The following ANKS1B variants were observed in gnomAD, a reference collection of about 807,000 sequenced individuals.
The protein encoded by ANKS1B is ankyrin repeat and sterile alpha motif domain-containing protein 1B.
A neutral mutation model predicts 148.3 loss-of-function variants in ANKS1B; 36 were observed. The observed-to-expected ratio is 0.24, with a 90% CI of 0.19 to 0.32. The LOEUF is 0.32. ANKS1B is among the 10% of genes least tolerant of loss of function. ANKS1B has a pLI of 1.00. For synonymous variants in ANKS1B, 542 were observed against 560.8 expected (o/e 0.97, Z 0.47); for missense variants, 1,157 against 1,542.6 (o/e 0.75, Z 4.19).
chr12:99,568,555 G>C (rs1453358652), intron 9 of ANKS1B, among the ~76,000 whole-genome samples: 3 of 151,952 alleles, frequency 2.0e-5, no homozygotes, highest in South Asian at 4.2e-4. Flanking sequence ...ATTTCATTTG[G>C]GCTGATGATA....
intron 8 of ANKS1B, among the ~76,000 whole-genome samples, chr12:99,712,785 C>T (rs1217618227): frequency 6.6e-6 from 1 of 152,194 alleles, no homozygotes; most frequent in Non-Finnish European, 1.5e-5. Context: ...TCACTATTCC[C>T]ATGACATTTT....
chr12:99,211,984 C>A (rs536770715), intron 14 of ANKS1B, among the ~76,000 whole-genome samples: 2 of 152,278 alleles, frequency 1.3e-5, no homozygotes, highest in East Asian at 3.9e-4. Context: ...CTCAGTAGTT[C>A]CCAGGCAATT....
chr12:99,743,869 A>G (rs1238049917), intron 8 of ANKS1B, among the ~76,000 whole-genome samples: 1 of 152,212 alleles, frequency 6.6e-6, no homozygotes, highest in African/African-American at 2.4e-5. Flanking sequence ...TGCATCTTTA[A>G]ATAATGGGTT....
At chr12:98,947,355 G>C (rs184891528) in intron 17 of ANKS1B, among the ~76,000 whole-genome samples, 28 of 152,310 alleles carry the variant, frequency 1.8e-4, no homozygotes, top group Non-Finnish European at 2.4e-4. Context: ...CAGTGGTCCA[G>C]GGTTGTAGTG....
intron 9 of ANKS1B, among the ~76,000 whole-genome samples, chr12:99,618,723 G>T (rs779589504): frequency 1.3e-5 from 2 of 151,978 alleles, no homozygotes; most frequent in Admixed American, 1.3e-4. Context: ...CATTGTGAGC[G>T]CAAGACACCA....
intron 8 of ANKS1B, among the ~76,000 whole-genome samples, chr12:99,722,252 T>C (rs946843057): frequency 4.6e-5 from 7 of 152,234 alleles, no homozygotes; most frequent in Admixed American, 2.0e-4. Flanking sequence ...CAGCCTTCTA[T>C]TGGAAGAAGA....
chr12:99,003,914 A>C (rs993039217), intron 17 of ANKS1B, among the ~76,000 whole-genome samples: 2 of 152,030 alleles, frequency 1.3e-5, no homozygotes, highest in African/African-American at 4.8e-5. Context: ...TCCCACTCTC[A>C]TGCTGCTGGG....
intron 14 of ANKS1B, among the ~76,000 whole-genome samples, chr12:99,218,559 G>A (rs185087867): frequency 7.0e-4 from 107 of 152,144 alleles, no homozygotes; most frequent in African/African-American, 2.1e-3. Context: ...AGAAAATACT[G>A]TCCCCAACCC....
chr12:99,533,074 G>A (rs1313681503), intron 9 of ANKS1B, among the ~76,000 whole-genome samples: 3 of 152,114 alleles, frequency 2.0e-5, no homozygotes, highest in Non-Finnish European at 4.4e-5. Flanking sequence ...AATGACATTG[G>A]TATTTTGATA....
rs895662007 is a variant in ANKS1B at position 99,201,286 on chromosome 12, T to C, written c.2419+43056A>G. Among the ~76,000 whole-genome samples the C allele has an allele frequency of 2.0e-5, 3 of 151,890 alleles. No homozygotes were observed. The East Asian group carries it at 5.8e-4, about 29-fold the overall frequency. ...AATAAGTATTAATAGTCCATGACAG[T>C]GACAGACTGTCTTTGAAAAACATTA... is the stretch of plus-strand genomic sequence containing the variant. On this transcript the variant is annotated intron_variant, in intron 14 of 26. Transcript: ENST00000683438.
chr12:99,620,345 A>G (rs554555459), intron 9 of ANKS1B, among the ~76,000 whole-genome samples: 2 of 152,340 alleles, frequency 1.3e-5, no homozygotes, highest in Admixed American at 6.5e-5. Context: ...TGACACCACC[A>G]AAGGATCACA....
At chr12:99,540,858 G>A (rs1016279948) in intron 9 of ANKS1B, among the ~76,000 whole-genome samples, 1 of 149,860 alleles carries the variant, frequency 6.7e-6, no homozygotes, top group Non-Finnish European at 1.5e-5. Flanking sequence ...TTGGTTCTTT[G>A]AAAAAAAATA....
chr12:99,794,011 C>T (rs949156526), intron 4 of ANKS1B, among the ~76,000 whole-genome samples: 1 of 151,944 alleles, frequency 6.6e-6, no homozygotes, highest in South Asian at 2.1e-4. Context: ...ATTGGCAAAA[C>T]ATTTGAATAG....
intron 10 of ANKS1B, among the ~76,000 whole-genome samples, chr12:99,467,713 C>T (rs1298792580): frequency 6.6e-6 from 1 of 152,090 alleles, no homozygotes; most frequent in Non-Finnish European, 1.5e-5. Context: ...AATAAAATAC[C>T]TAGGAATCCA....
chr12:98,904,380 A>G (rs2099776145), intron 17 of ANKS1B, among the ~76,000 whole-genome samples: 1 of 152,218 alleles, frequency 6.6e-6, no homozygotes, highest in Non-Finnish European at 1.5e-5. Flanking sequence ...AAGAGTTACC[A>G]TAAGTCGAAG....
At chr12:99,712,568 T>C (rs2056784272) in intron 8 of ANKS1B, among the ~76,000 whole-genome samples, 1 of 152,196 alleles carries the variant, frequency 6.6e-6, no homozygotes, top group Non-Finnish European at 1.5e-5. Flanking sequence ...CTAAATCTCA[T>C]CAGCTTAAAA....
intron 1 of ANKS1B, among the ~76,000 whole-genome samples, chr12:99,964,055 G>T (rs2095453316): frequency 6.6e-6 from 1 of 151,894 alleles, no homozygotes; most frequent in African/African-American, 2.4e-5. Context: ...CAGCTAAACA[G>T]CAAAAAAATA....
intron 9 of ANKS1B, among the ~76,000 whole-genome samples, chr12:99,571,292 A>C (rs897053683): frequency 6.6e-6 from 1 of 152,104 alleles, no homozygotes; most frequent in Non-Finnish European, 1.5e-5. Context: ...GTGCCACCTA[A>C]GGCTATGTAA....
intron 15 of ANKS1B, among the ~76,000 whole-genome samples, chr12:99,131,361 T>C (rs2066030013): frequency 6.6e-6 from 1 of 152,242 alleles, no homozygotes; most frequent in Non-Finnish European, 1.5e-5. Flanking sequence ...TTCTTAGTCA[T>C]GTCTTCCCCT....
Sources: gnomAD v4.1 joint callset for allele counts (sites outside exome capture counted in the v4.1 genomes callset) on GRCh38, gnomAD v4.1.1 for gene constraint, MANE v1.5 for transcripts, NCBI Gene and HGNC (gene_info 2026-07-23, HGNC 2026-07-21) for gene names.